Variants in FCHSD2 observed in about 807,000 individuals in gnomAD.
FCHSD2 encodes FCH and double SH3 domains 2.
In FCHSD2, 38 loss-of-function variants were observed where a neutral mutation model predicts 108.1. The ratio of observed to expected loss-of-function variants is 0.35; its 90% CI spans 0.27 to 0.46. The LOEUF is 0.46. Ranked by LOEUF, FCHSD2 falls within the 20% of genes least tolerant of loss-of-function variation. The pLI, the probability that FCHSD2 is intolerant of heterozygous loss-of-function variation, is 1.00. For synonymous variants in FCHSD2, 279 were observed against 314.7 expected (o/e 0.89, Z 1.20); for missense variants, 751 against 897.8 (o/e 0.84, Z 2.09).
At position 72,882,100 on chromosome 11, in the gene FCHSD2, G is replaced by A. The variant is rs1001344199; in HGVS notation, c.1146+5370C>T. 2.6e-5 allele frequency among the ~76,000 whole-genome samples: 4 copies of A among 151,894 alleles called. No individual in the cohort carries two copies. The East Asian group carries it at 5.8e-4, about 22-fold the overall frequency. On this transcript the variant is annotated intron_variant, in intron 12 of 19. Coordinates refer to ENST00000409418, the MANE Select transcript of FCHSD2 (RefSeq NM_014824.3). ...GAGGAGCTTGCAGTGAGCCGAAATC[G>A]CGCCACTGCACTCCAGCCTGGGTGA...
chr11:72,922,342 A>G (rs963661025), intron 8 of FCHSD2, among the ~76,000 whole-genome samples: 1 of 152,170 alleles, frequency 6.6e-6, no homozygotes, highest in African/African-American at 2.4e-5. Flanking sequence ...TTTTCCCCCA[A>G]TCCATTATTG....
intron 13 of FCHSD2, among the ~76,000 whole-genome samples, chr11:72,851,000 GAGGCAAGAGAATTTCTTGAACCC>G (rs1391643865): frequency 1.3e-5 from 2 of 149,476 alleles, no homozygotes; most frequent in Non-Finnish European, 3.0e-5. Flanking sequence ...TGCGAAGGCT[GAGGCAAGAGAATTTCTTGAACCC>G]AGGAGGTGGA....
chr11:73,096,377 CAAAAA>C (rs767268719), intron 2 of FCHSD2, among the ~76,000 whole-genome samples: 2 of 68,354 alleles, frequency 2.9e-5, no homozygotes, highest in South Asian at 4.8e-4. Context: ...CCTGCCTCTA[CAAAAA>C]AAAAAAAAAA....
At chr11:73,071,014 C>A (rs906930062) in intron 3 of FCHSD2, among the ~76,000 whole-genome samples, 1 of 152,170 alleles carries the variant, frequency 6.6e-6, no homozygotes, top group East Asian at 1.9e-4. Flanking sequence ...TCCAATTCCA[C>A]AAGCAATTGG....
intron 8 of FCHSD2, among the ~76,000 whole-genome samples, chr11:72,970,581 C>A (rs776324748): frequency 1.3e-5 from 2 of 152,138 alleles, no homozygotes; most frequent in African/African-American, 2.4e-5. Context: ...TCATGGCTCT[C>A]TCCAAGATTA....
chr11:72,904,425 C>A (rs1326477957), intron 9 of FCHSD2, among the ~76,000 whole-genome samples: 1 of 152,166 alleles, frequency 6.6e-6, no homozygotes, highest in Non-Finnish European at 1.5e-5. Context: ...ATTTCAAATA[C>A]ATATGTAAAG....
At chr11:73,008,731 T>C (rs903561893) in intron 4 of FCHSD2, among the ~76,000 whole-genome samples, 1 of 152,130 alleles carries the variant, frequency 6.6e-6, no homozygotes, top group Non-Finnish European at 1.5e-5. Flanking sequence ...GGAGTGACAG[T>C]AGGCCTGTTT....
chr11:73,004,041 G>A lies in FCHSD2; in HGVS notation c.243-2907C>T, dbSNP rs555597220. Among the ~76,000 whole-genome samples, 319 of 149,094 alleles carry A rather than the reference G, an allele frequency of 2.1e-3. 1 individual carries two copies. Among genetic ancestry groups the A allele is most frequent in the African/African-American group, 7.5e-3 (303 of 40,416 alleles). ...AGGAGACTCGCTTGAACTGGAAGGCGGAGGTTGCAGTGAGCCGAGATAGTG... is the reference window on the plus strand; with the variant it reads ...AGGAGACTCGCTTGAACTGGAAGGCAGAGGTTGCAGTGAGCCGAGATAGTG... On this transcript the variant is annotated intron_variant, in intron 4 of 19. Coordinates refer to ENST00000409418, the MANE Select transcript of FCHSD2 (RefSeq NM_014824.3).
chr11:73,019,919 T>A (rs1008050547), intron 3 of FCHSD2, among the ~76,000 whole-genome samples: 8 of 152,184 alleles, frequency 5.3e-5, no homozygotes, highest in South Asian at 2.1e-4. Context: ...TTAAAGTTTT[T>A]AAAAAAATTT....
chr11:73,122,696 C>T (rs1860763365), intron 2 of FCHSD2, among the ~76,000 whole-genome samples: 2 of 152,126 alleles, frequency 1.3e-5, no homozygotes, highest in African/African-American at 4.8e-5. Context: ...ATATATATTA[C>T]TCAGATGCCT....
Position 72,887,511 on chromosome 11 carries a change from G to C in FCHSD2, c.1105C>G (p.Gln369Glu). The C allele has an allele frequency of 6.2e-7, 1 of 1,605,538 alleles. No individual in the cohort carries two copies. The highest frequency in any genetic ancestry group is 1.1e-5 in the South Asian group (1 of 89,314). The change falls in exon 12 of 20, where the codon CAG becomes GAG. Residue 369 changes from glutamine to glutamate, a missense_variant. Transcript: ENST00000409418. Reference sequence around the variant, plus strand: ...TTTTCTCTAGCTTCATCTATTTTCTGTTCTAGCTCTGCTCGGCTTTGTTCT... The same window carrying C: ...TTTTCTCTAGCTTCATCTATTTTCTCTTCTAGCTCTGCTCGGCTTTGTTCT... ...VSEQSRAELEQKIDEARENIR... is the reference protein window; with the variant it reads ...VSEQSRAELEEKIDEARENIR...
At chr11:72,989,971 A>G (rs1048481855) in intron 5 of FCHSD2, among the ~76,000 whole-genome samples, 1 of 152,214 alleles carries the variant, frequency 6.6e-6, no homozygotes, top group Non-Finnish European at 1.5e-5. Flanking sequence ...GGGCAAGGAC[A>G]TCAGAAGAAT....
chr11:72,945,027 C>CT (rs1283919878), intron 8 of FCHSD2, among the ~76,000 whole-genome samples: 2 of 152,150 alleles, frequency 1.3e-5, no homozygotes, highest in Non-Finnish European at 2.9e-5. Context: ...CAATGACTTT[C>CT]TCACAGAATT....
At chr11:72,854,755 C>T (rs1305257654) in intron 13 of FCHSD2, among the ~76,000 whole-genome samples, 3 of 152,196 alleles carry the variant, frequency 2.0e-5, no homozygotes, top group Non-Finnish European at 4.4e-5. Flanking sequence ...TTCATAGAGA[C>T]AGAAAGCAGA....
chr11:72,876,184 G>A (rs762332786), intron 12 of FCHSD2, among the ~76,000 whole-genome samples: 5 of 152,160 alleles, frequency 3.3e-5, no homozygotes, highest in Non-Finnish European at 5.9e-5. Context: ...TAAAATATTA[G>A]CTGGGTTTGG....
intron 9 of FCHSD2, among the ~76,000 whole-genome samples, chr11:72,911,670 CT>C (rs1210426134): frequency 6.6e-6 from 1 of 151,842 alleles, no homozygotes; most frequent in African/African-American, 2.4e-5. Flanking sequence ...TCCTTCCTTC[CT>C]TTTTTATTTT....
chr11:73,030,589 G>C (rs573280940), intron 3 of FCHSD2, among the ~76,000 whole-genome samples: 147 of 152,278 alleles, frequency 9.7e-4, no homozygotes, highest in African/African-American at 3.4e-3. Context: ...ACTTTGTAAA[G>C]ATGGTGGTGG....
At chr11:72,884,312 A>G (rs149685109) in intron 12 of FCHSD2, among the ~76,000 whole-genome samples, 55 of 152,246 alleles carry the variant, frequency 3.6e-4, no homozygotes, top group African/African-American at 1.3e-3. Context: ...TCTAGATGTT[A>G]GGAAATACAT....
rs143663537 is a variant in FCHSD2 at position 72,982,697 on chromosome 11, T to C, written c.705+1391A>G. On this transcript the variant is annotated intron_variant, in intron 8 of 19. Transcript: ENST00000409418. ...TGGGTACACAAACTGTAATCTAATC[T>C]ATCTGCATTTCAGAGTAATACCCAG... 1.4e-3 allele frequency among the ~76,000 whole-genome samples: 209 copies of C among 152,350 alleles called. 3 individuals carry two copies. The East Asian group carries it at 0.03, about 22-fold the overall frequency.
Sources: gnomAD v4.1 joint callset for allele counts (sites outside exome capture counted in the v4.1 genomes callset) on GRCh38, gnomAD v4.1.1 for gene constraint, MANE v1.5 for transcripts, NCBI Gene and HGNC (gene_info 2026-07-23, HGNC 2026-07-21) for gene names.